The following BANK1 variants were observed in gnomAD, a reference collection of about 807,000 sequenced individuals.
BANK1 encodes B-cell scaffold protein with ankyrin repeats.
A neutral mutation model predicts 94.5 loss-of-function variants in BANK1; 95 were observed. The ratio of observed to expected loss-of-function variants is 1.00; its 90% CI spans 0.85 to 1.19. The LOEUF is 1.19. Among genes scored for constraint, BANK1 ranks in the 50% most tolerant of loss-of-function variants. The pLI is 0.00. For missense variants in BANK1, 987 were observed against 932.2 expected (o/e 1.06, Z -0.77); for synonymous variants, 334 against 308.4 (o/e 1.08, Z -0.87).
chr4:101,864,082 T>A (rs1727980693), intron 4 of BANK1, among the ~76,000 whole-genome samples: 1 of 152,196 alleles, frequency 6.6e-6, no homozygotes, highest in African/African-American at 2.4e-5. Context: ...CAAGACATAC[T>A]ATTGTCTTCA....
chr4:101,836,873 A>G (rs1299989858), intron 2 of BANK1, among the ~76,000 whole-genome samples: 3 of 152,208 alleles, frequency 2.0e-5, no homozygotes, highest in Non-Finnish European at 4.4e-5. Context: ...GCACTATCCC[A>G]GAGCTTTCCC....
rs946976413 is a variant in BANK1 at position 101,945,955 on chromosome 4, G to A, written c.1206+27766G>A. ...ACTTATATTAGTGAGAGGGGGCTAC[G>A]TTTATCCAGATATCATTGGGAACCT... On this transcript the variant is annotated intron_variant, in intron 7 of 16. Transcript: ENST00000322953. Among the ~76,000 whole-genome samples, 8 of 151,886 alleles carry A rather than the reference G, an allele frequency of 5.3e-5. No homozygotes were observed. The East Asian group carries it at 7.8e-4, about 15-fold the overall frequency.
chr4:101,909,217 A>G (rs1722572871), intron 6 of BANK1, among the ~76,000 whole-genome samples: 1 of 152,212 alleles, frequency 6.6e-6, no homozygotes. Flanking sequence ...CAGCCATAAA[A>G]AAGGATGAGT....
chr4:101,820,587 T>C (rs1458240943), intron 1 of BANK1, among the ~76,000 whole-genome samples: 1 of 152,178 alleles, frequency 6.6e-6, no homozygotes, highest in Non-Finnish European at 1.5e-5. Flanking sequence ...TTAAGGCCAG[T>C]ACCCAATAGT....
chr4:101,966,196 T>G (rs1386424912), intron 7 of BANK1, among the ~76,000 whole-genome samples: 1 of 152,084 alleles, frequency 6.6e-6, no homozygotes, highest in Non-Finnish European at 1.5e-5. Flanking sequence ...CTTATGCTAC[T>G]TTTCCTTTTT....
At chr4:101,937,676 C>T (rs1003215364) in intron 7 of BANK1, among the ~76,000 whole-genome samples, 3 of 151,700 alleles carry the variant, frequency 2.0e-5, no homozygotes, top group Non-Finnish European at 3.0e-5. Flanking sequence ...TGGAAGACAA[C>T]GTGGTGATCC....
intron 12 of BANK1, chr4:102,062,453 G>A (rs1175664746): frequency 6.6e-6 from 1 of 152,136 alleles, no homozygotes; most frequent in African/African-American, 2.4e-5. Context: ...AGGAAAGAGT[G>A]CTATTCTTAA....
chr4:101,834,005 T>G (rs534092217), intron 2 of BANK1, among the ~76,000 whole-genome samples: 36 of 152,290 alleles, frequency 2.4e-4, no homozygotes, highest in Admixed American at 1.7e-3. Context: ...CCCTGAAGAT[T>G]GTTAGTAAAA....
intron 7 of BANK1, among the ~76,000 whole-genome samples, chr4:101,929,327 A>G (rs1723269150): frequency 6.6e-6 from 1 of 151,614 alleles, no homozygotes; most frequent in African/African-American, 2.4e-5. Flanking sequence ...GAAGGTCCAA[A>G]TTATATGTAT....
chr4:102,041,356 G>A (rs1305057379), intron 10 of BANK1, among the ~76,000 whole-genome samples: 1 of 152,046 alleles, frequency 6.6e-6, no homozygotes, highest in African/African-American at 2.4e-5. Flanking sequence ...GTTTGCTTCA[G>A]TGATAATTTT....
intron 7 of BANK1, among the ~76,000 whole-genome samples, chr4:101,964,551 T>G (rs1454864226): frequency 1.3e-5 from 2 of 152,022 alleles, no homozygotes; most frequent in Non-Finnish European, 2.9e-5. Context: ...ATATTACAGT[T>G]TTAACTAGCA....
At chr4:101,966,540 A>G (rs1724765706) in intron 7 of BANK1, among the ~76,000 whole-genome samples, 1 of 152,076 alleles carries the variant, frequency 6.6e-6, no homozygotes, top group Non-Finnish European at 1.5e-5. Context: ...GAAAAAAGCA[A>G]GTAGCTTGCC....
At chr4:101,907,583 G>C (rs531623324) in intron 6 of BANK1, among the ~76,000 whole-genome samples, 2 of 152,158 alleles carry the variant, frequency 1.3e-5, no homozygotes, top group East Asian at 3.9e-4. Flanking sequence ...AGAAATAAAG[G>C]GTATTCAATT....
chr4:102,059,880 A>C (rs915268652), intron 11 of BANK1, among the ~76,000 whole-genome samples: 2 of 152,194 alleles, frequency 1.3e-5, no homozygotes, highest in Admixed American at 1.3e-4. Context: ...TATGCTAAGT[A>C]TTTTGTGCAC....
intron 10 of BANK1, among the ~76,000 whole-genome samples, chr4:102,034,662 T>C (rs1402294632): frequency 6.6e-6 from 1 of 152,208 alleles, no homozygotes; most frequent in Non-Finnish European, 1.5e-5. Flanking sequence ...CATCTTCTTA[T>C]AATAATTATC....
intron 6 of BANK1, among the ~76,000 whole-genome samples, chr4:101,904,242 A>G (rs1018232812): frequency 1.8e-4 from 27 of 152,194 alleles, no homozygotes; most frequent in African/African-American, 5.5e-4. Flanking sequence ...GGAGAAGGCA[A>G]TCTTGGCTGT....
intron 7 of BANK1, among the ~76,000 whole-genome samples, chr4:101,922,053 TGTGA>T (rs1244208741): frequency 6.3e-4 from 94 of 150,264 alleles, no homozygotes; most frequent in African/African-American, 2.0e-3. Context: ...TGTGTGTGTG[TGTGA>T]GACAGAGAGA....
intron 7 of BANK1, among the ~76,000 whole-genome samples, chr4:101,937,891 A>T (rs1723622610): frequency 6.6e-6 from 1 of 151,960 alleles, no homozygotes; most frequent in African/African-American, 2.4e-5. Context: ...CATATACACC[A>T]TGGAATACTA....
intron 3 of BANK1, among the ~76,000 whole-genome samples, chr4:101,861,504 G>T (rs528877328): frequency 1.3e-5 from 2 of 152,032 alleles, no homozygotes; most frequent in Non-Finnish European, 2.9e-5. Context: ...TAAAAAGAAT[G>T]TTTTATTTTA....
Sources: gnomAD v4.1 joint callset for allele counts (sites outside exome capture counted in the v4.1 genomes callset) on GRCh38, gnomAD v4.1.1 for gene constraint, MANE v1.5 for transcripts, NCBI Gene and HGNC (gene_info 2026-07-23, HGNC 2026-07-21) for gene names.